The following EPB41L2 variants were observed in gnomAD, a reference collection of about 807,000 sequenced individuals.
EPB41L2 encodes band 4.1-like protein 2.
A neutral mutation model predicts 113.0 loss-of-function variants in EPB41L2; 43 were observed. The ratio of observed to expected loss-of-function variants is 0.38; its 90% CI spans 0.30 to 0.49. EPB41L2 has a LOEUF of 0.49. Ranked by LOEUF, EPB41L2 falls within the 20% of genes least tolerant of loss-of-function variation. The probability of loss-of-function intolerance (pLI) is 0.95; values close to 1 mark genes in which losing one functional copy is unlikely to be tolerated. For missense variants in EPB41L2, 1,147 were observed against 1,223.4 expected, an observed-to-expected ratio of 0.94 and a Z score of 0.93; for synonymous variants, 442 against 436.7, an observed-to-expected ratio of 1.01 and a Z score of -0.15.
At chr6:131,051,091 GA>G (rs1796420757) in intron 1 of EPB41L2, among the ~76,000 whole-genome samples, 1 of 151,886 alleles carries the variant, frequency 6.6e-6, no homozygotes, top group African/African-American at 2.4e-5. Context: ...AAGACCACAG[GA>G]AAAAAATATA....
chr6:130,862,273 G>A (rs1202335688), intron 18 of EPB41L2, among the ~76,000 whole-genome samples: 3 of 150,116 alleles, frequency 2.0e-5, no homozygotes, highest in Non-Finnish European at 2.9e-5. Context: ...ATTTTAAAGT[G>A]TGTAAAGGGC....
rs1380319099 is a variant in EPB41L2, at chr6:130,946,758, G to C, written c.705+8347C>G. On this transcript the variant is annotated intron_variant, in intron 3 of 19. Coordinates refer to ENST00000337057, the MANE Select transcript of EPB41L2 (RefSeq NM_001431.4). ...TTAATTATATAGAGTGAGTAAGCTA[G>C]GAAGCAGAGATGATGTTCAGATGTC... 3.9e-5 allele frequency among the ~76,000 whole-genome samples: 6 copies of C among 152,182 alleles called. No homozygotes were observed. In the East Asian group the frequency reaches 1.2e-3, roughly 29 times the overall value.
chr6:130,991,266 C>T (rs1781799712), intron 1 of EPB41L2, among the ~76,000 whole-genome samples: 1 of 152,172 alleles, frequency 6.6e-6, no homozygotes, highest in African/African-American at 2.4e-5. Context: ...TGTACCCCCA[C>T]AGCTATGTCC....
intron 3 of EPB41L2, among the ~76,000 whole-genome samples, chr6:130,947,859 G>A (rs1813477823): frequency 1.3e-5 from 2 of 152,160 alleles, no homozygotes; most frequent in Admixed American, 6.5e-5. Flanking sequence ...ATAAAATGGG[G>A]AATATAATTT....
At chr6:130,967,092 A>G (rs1310583275) in intron 1 of EPB41L2, among the ~76,000 whole-genome samples, 1 of 152,188 alleles carries the variant, frequency 6.6e-6, no homozygotes, top group Non-Finnish European at 1.5e-5. Context: ...AAAAAAATAC[A>G]GTTGTCCCTC....
chr6:130,995,575 C>T (rs1782899505), intron 1 of EPB41L2, among the ~76,000 whole-genome samples: 2 of 152,214 alleles, frequency 1.3e-5, no homozygotes, highest in African/African-American at 4.8e-5. Flanking sequence ...TTCAGGACCT[C>T]CTGGGGCTGC....
intron 1 of EPB41L2, among the ~76,000 whole-genome samples, chr6:131,027,582 AG>A (rs1791171328): frequency 6.6e-6 from 1 of 152,252 alleles, no homozygotes; most frequent in African/African-American, 2.4e-5. Flanking sequence ...TGCTTAATGC[AG>A]CCAATGATTA....
chr6:130,894,777 G>T (rs1187675040), intron 9 of EPB41L2, among the ~76,000 whole-genome samples, 190 bp downstream of exon 9: 1 of 151,920 alleles, frequency 6.6e-6, no homozygotes, highest in Non-Finnish European at 1.5e-5. Context: ...AAAGCGTGAT[G>T]GTTGCTTTTT....
chr6:130,840,785 C>T (rs1388625477), intron 19 of EPB41L2, among the ~76,000 whole-genome samples, 187 bp from the exon 20 acceptor site: 1 of 152,062 alleles, frequency 6.6e-6, no homozygotes, highest in Non-Finnish European at 1.5e-5. Context: ...CTCTCGAGGG[C>T]CTTAAAATAC....
At chr6:131,029,328 A>T (rs543185524) in intron 1 of EPB41L2, among the ~76,000 whole-genome samples, 28 of 151,568 alleles carry the variant, frequency 1.8e-4, no homozygotes, top group African/African-American at 6.5e-4. Context: ...ACTGAAAAGC[A>T]TAACAGTTTA....
At chr6:130,942,017 G>A (rs1183539235) in intron 3 of EPB41L2, among the ~76,000 whole-genome samples, 1 of 152,108 alleles carries the variant, frequency 6.6e-6, no homozygotes, top group African/African-American at 2.4e-5. Flanking sequence ...TAGCCACCTT[G>A]CATCATAAAA....
At chr6:131,028,881 T>C (rs1364826923) in intron 1 of EPB41L2, among the ~76,000 whole-genome samples, 3 of 152,206 alleles carry the variant, frequency 2.0e-5, no homozygotes, top group African/African-American at 7.2e-5. Flanking sequence ...ACACTTGCCA[T>C]GTCTTCATTC....
intron 1 of EPB41L2, among the ~76,000 whole-genome samples, chr6:130,993,112 G>T (rs77367568): frequency 0.049 from 7,446 of 152,164 alleles, 318 homozygotes; most frequent in African/African-American, 0.11. Context: ...TTTTACAGTG[G>T]TAAGCATAAT....
At chr6:130,904,702 AAATG>A (rs1332352503) in intron 5 of EPB41L2, among the ~76,000 whole-genome samples, 162 bp from the exon 6 acceptor site, 1 of 152,042 alleles carries the variant, frequency 6.6e-6, no homozygotes, top group African/African-American at 2.4e-5. Flanking sequence ...TATAAAATAA[AAATG>A]AAATAAAAAA....
intron 4 of EPB41L2, among the ~76,000 whole-genome samples, chr6:130,920,283 C>A (rs1999475): frequency 0.074 from 11,296 of 152,196 alleles, 938 homozygotes; most frequent in African/African-American, 0.2. Flanking sequence ...TCTATTTCCT[C>A]GTACACACTA....
chr6:130,841,129 T>C (rs141842300), intron 19 of EPB41L2, among the ~76,000 whole-genome samples: 1 of 151,494 alleles, frequency 6.6e-6, no homozygotes, highest in South Asian at 2.1e-4. Flanking sequence ...ATTACTAAAG[T>C]TGAGCATTGG....
chr6:130,861,143 G>A (rs1417664264), intron 18 of EPB41L2, among the ~76,000 whole-genome samples: 2 of 151,730 alleles, frequency 1.3e-5, no homozygotes, highest in Non-Finnish European at 2.9e-5. Flanking sequence ...CGCCATCTCC[G>A]CTCACTGTAA....
rs190915410 is a variant in EPB41L2, at chr6:130,895,259, G to A, written c.1237-140C>T. ...TTAAAGTTTAGTGACAAGTACGCACGTTAATGAAAACTATGGCGCACACAC... is the reference window on the plus strand; with the variant it reads ...TTAAAGTTTAGTGACAAGTACGCACATTAATGAAAACTATGGCGCACACAC... On this transcript the variant is annotated intron_variant, in intron 8 of 19. Coordinates refer to ENST00000337057, the MANE Select transcript of EPB41L2 (RefSeq NM_001431.4). 1.4e-4 allele frequency: 131 copies of A among 920,982 alleles called. No individual in the cohort carries two copies. The Middle Eastern group carries it at 3.0e-3, about 21-fold the overall frequency. The allele number at this position is 920,982 out of a possible 1,614,324, so 57.1% of individuals were successfully genotyped here.
chr6:131,024,336 A>T (rs1292023383), intron 1 of EPB41L2, among the ~76,000 whole-genome samples: 1 of 152,146 alleles, frequency 6.6e-6, no homozygotes, highest in African/African-American at 2.4e-5. Context: ...TATGGTTAAG[A>T]GTGTGGCAGA....
Sources: gnomAD v4.1 joint callset for allele counts (sites outside exome capture counted in the v4.1 genomes callset) on GRCh38, gnomAD v4.1.1 for gene constraint, MANE v1.5 for transcripts, NCBI Gene and HGNC (gene_info 2026-07-23, HGNC 2026-07-21) for gene names.